The following PDE10A variants were observed in gnomAD, a reference collection of about 807,000 sequenced individuals.
PDE10A encodes phosphodiesterase 10A, also known as cAMP and cAMP-inhibited cGMP 3',5'-cyclic phosphodiesterase 10A.
PDE10A carries 39 observed loss-of-function variants against 97.7 expected under a neutral mutation model. The observed-to-expected ratio is 0.40, with a 90% CI of 0.31 to 0.52. The LOEUF is 0.52. Among genes scored for constraint, PDE10A ranks in the 20% least tolerant of loss-of-function variants. PDE10A has a pLI of 0.56. For missense variants in PDE10A, 731 were observed against 1,047.8 expected, an observed-to-expected ratio of 0.70 and a Z score of 4.17; for synonymous variants, 371 against 376.8, an observed-to-expected ratio of 0.98 and a Z score of 0.18.
At chr6:165,439,326 CTT>C (rs1378488411) in intron 5 of PDE10A, among the ~76,000 whole-genome samples, 1 of 152,086 alleles carries the variant, frequency 6.6e-6, no homozygotes, top group African/African-American at 2.4e-5. Context: ...TATATAAAAA[CTT>C]TAATTAGGAC....
At chr6:165,618,777 G>T (rs908501887) in intron 1 of PDE10A, among the ~76,000 whole-genome samples, 2 of 152,234 alleles carry the variant, frequency 1.3e-5, no homozygotes, top group East Asian at 1.9e-4. Context: ...GTTCACAAGA[G>T]AGTCGCAACT....
At chr6:165,413,898 T>C (rs865875039) in intron 12 of PDE10A, among the ~76,000 whole-genome samples, 9 of 152,222 alleles carry the variant, frequency 5.9e-5, no homozygotes, top group Admixed American at 3.3e-4. Context: ...AATCTGTTGG[T>C]TCTTTTGTCT....
chr6:165,567,993 C>CCTTTT lies in PDE10A; in HGVS notation c.866-24426_866-24425insAAAAG, dbSNP rs370865492. 7.9e-3 allele frequency among the ~76,000 whole-genome samples: 909 copies of CCTTTT among 115,424 alleles called. 107 individuals carry two copies. Among genetic ancestry groups the CCTTTT allele is most frequent in the South Asian group, 0.034 (109 of 3,244 alleles). The allele number at this position is 115,424 out of a possible 152,430, so 75.7% of individuals were successfully genotyped here. A position where few individuals can be genotyped will look rare whatever the true frequency, so the allele number is the denominator to read the frequency against. On this transcript the variant is annotated intron_variant, in intron 1 of 21. Coordinates refer to ENST00000539869, the MANE Select transcript of PDE10A (RefSeq NM_001385079.1). Reference sequence around the variant, plus strand: ...AGCACACAATAGGTACGCAACAAGGCATTTTTTTTTTTTTTTTTTTTTTGA... The same window carrying CCTTTT: ...AGCACACAATAGGTACGCAACAAGGCCTTTTATTTTTTTTTTTTTTTTTTTTTTGA...
chr6:165,947,131 T>C (rs1447926815), intron 1 of PDE10A: 1 of 152,230 alleles, frequency 6.6e-6, no homozygotes, highest in Non-Finnish European at 1.5e-5. Flanking sequence ...CAGTCATTGA[T>C]GAAGACCACA....
intron 1 of PDE10A, among the ~76,000 whole-genome samples, chr6:165,945,872 T>C (rs887058648): frequency 1.4e-4 from 21 of 152,224 alleles, no homozygotes; most frequent in African/African-American, 5.1e-4. Flanking sequence ...CATAGATAAA[T>C]AATTAAACCA....
chr6:165,725,978 T>C (rs779088796), intron 1 of PDE10A, among the ~76,000 whole-genome samples: 61 of 152,194 alleles, frequency 4.0e-4, no homozygotes, highest in Non-Finnish European at 3.2e-4. Context: ...CGGAGTTCAA[T>C]TGGCACTACC....
intron 1 of PDE10A, among the ~76,000 whole-genome samples, chr6:165,593,866 A>G (rs1562612304): frequency 6.6e-6 from 1 of 152,236 alleles, no homozygotes; most frequent in Admixed American, 6.5e-5. Context: ...TTGTTCAGGC[A>G]TAGTACACAA....
At chr6:165,792,133 C>T (rs1217284311) in intron 1 of PDE10A, among the ~76,000 whole-genome samples, 1 of 152,230 alleles carries the variant, frequency 6.6e-6, no homozygotes, top group African/African-American at 2.4e-5. Flanking sequence ...CGCATTCCCA[C>T]ACCTGCTGCT....
At chr6:165,556,443 G>A (rs907356511) in intron 1 of PDE10A, among the ~76,000 whole-genome samples, 1 of 152,176 alleles carries the variant, frequency 6.6e-6, no homozygotes, top group African/African-American at 2.4e-5. Context: ...TCCCTTCTTT[G>A]TATTGTGACA....
intron 1 of PDE10A, among the ~76,000 whole-genome samples, chr6:165,697,032 C>G (rs1483589785): frequency 1.3e-5 from 2 of 152,170 alleles, no homozygotes; most frequent in East Asian, 3.9e-4. Context: ...TGAACAGAGC[C>G]TCAGAGGAAA....
At chr6:165,826,037 C>G (rs1340997744) in intron 1 of PDE10A, among the ~76,000 whole-genome samples, 1 of 152,212 alleles carries the variant, frequency 6.6e-6, no homozygotes, top group African/African-American at 2.4e-5. Flanking sequence ...CCCCTGTGAC[C>G]TCAGTTCCAG....
chr6:165,395,917 A>G (rs1253123899), intron 14 of PDE10A, among the ~76,000 whole-genome samples: 1 of 152,190 alleles, frequency 6.6e-6, no homozygotes, highest in East Asian at 1.9e-4. Flanking sequence ...AAAATACAGT[A>G]TGAGAGTCAA....
intron 1 of PDE10A, among the ~76,000 whole-genome samples, chr6:165,874,742 A>T (rs535401349): frequency 1.3e-5 from 2 of 152,332 alleles, no homozygotes; most frequent in South Asian, 4.1e-4. Context: ...CCACTAAAAA[A>T]TTCCAGCAAA....
At chr6:165,333,461 C>T (rs996005594) in intron 21 of PDE10A, among the ~76,000 whole-genome samples, 7 of 151,994 alleles carry the variant, frequency 4.6e-5, no homozygotes, top group South Asian at 2.1e-4. Context: ...CTGAGGAATA[C>T]GCGGGATCGT....
chr6:165,508,812 T>A (rs1029998343), intron 2 of PDE10A, among the ~76,000 whole-genome samples: 6 of 152,050 alleles, frequency 3.9e-5, no homozygotes, highest in Non-Finnish European at 7.4e-5. Context: ...GTTCACCAAC[T>A]GTAAGTATAC....
chr6:165,962,834 T>C (rs993819583), intron 1 of PDE10A, among the ~76,000 whole-genome samples: 14 of 152,376 alleles, frequency 9.2e-5, no homozygotes, highest in South Asian at 4.1e-4. Context: ...AAGGTCCATC[T>C]GCTTTTGGCC....
intron 1 of PDE10A, among the ~76,000 whole-genome samples, chr6:165,710,982 G>C (rs571402116): frequency 6.6e-6 from 1 of 152,214 alleles, no homozygotes; most frequent in African/African-American, 2.4e-5. Flanking sequence ...GACCATCCCC[G>C]TGGGAGGCGG....
At chr6:165,619,484 GTAGTCTAGTGTAGTC>G (rs1787985363) in intron 1 of PDE10A, among the ~76,000 whole-genome samples, 1 of 74,396 alleles carries the variant, frequency 1.3e-5, no homozygotes, top group Non-Finnish European at 3.1e-5. Context: ...GTAGTCTAGT[GTAGTCTAGTGTAGTC>G]TAGTGTAGTG....
intron 2 of PDE10A, among the ~76,000 whole-genome samples, chr6:165,483,372 T>C (rs2128281868): frequency 6.6e-6 from 1 of 152,354 alleles, no homozygotes; most frequent in South Asian, 2.1e-4. Flanking sequence ...CTTGCTCATA[T>C]ATTTTCTTAT....
Sources: allele counts gnomAD v4.1 joint callset (sites outside exome capture counted in the v4.1 genomes callset), GRCh38; gene constraint gnomAD v4.1.1; transcripts MANE v1.5; gene names NCBI Gene and HGNC (gene_info 2026-07-23, HGNC 2026-07-21).